The following SDK2 variants were observed in gnomAD, a reference collection of about 807,000 sequenced individuals.
SDK2 encodes sidekick cell adhesion molecule 2, also known as protein sidekick-2.
Under a neutral mutation model 253.9 loss-of-function variants are expected in SDK2, and 105 were observed. That is an observed-to-expected ratio of 0.41 (90% CI 0.35 to 0.49). The LOEUF (loss-of-function observed/expected upper bound fraction) is 0.49, where lower values mean the gene tolerates loss of function less well. Among genes scored for constraint, SDK2 ranks in the 20% least tolerant of loss-of-function variants. The pLI, the probability that SDK2 is intolerant of heterozygous loss-of-function variation, is 0.06. For missense variants in SDK2, 2,608 were observed against 3,003.0 expected (o/e 0.87, Z 3.07); for synonymous variants, 1,249 against 1,234.9 (o/e 1.01, Z -0.24).
rs942659656 is a variant in SDK2 at position 73,534,555 on chromosome 17, G to A, written c.65-26958C>T. Among the ~76,000 whole-genome samples the A allele has an allele frequency of 6.6e-6, 1 of 152,128 alleles. No homozygotes were observed. The highest frequency in any genetic ancestry group is 1.5e-5 in the Non-Finnish European group (1 of 68,030). On this transcript the variant is annotated intron_variant, in intron 1 of 44. Transcript: ENST00000392650. The surrounding 1 kb of genome is among the most constrained non-coding windows in gnomAD (Gnocchi z 4.9). ...AAGTAAAGTCACAAAAGGGAGGGAT[G>A]GGAAGATGCACAGAGGCAGAGCGCG...
At chr17:73,529,179 G>A (rs941501471) in intron 1 of SDK2, among the ~76,000 whole-genome samples, 1 of 152,220 alleles carries the variant, frequency 6.6e-6, no homozygotes, top group African/African-American at 2.4e-5. Context: ...GGTTTCGTCT[G>A]TAATGAGCGA....
chr17:73,611,672 C>T (rs972164501), intron 1 of SDK2, among the ~76,000 whole-genome samples: 1 of 152,252 alleles, frequency 6.6e-6, no homozygotes, highest in Non-Finnish European at 1.5e-5. Context: ...GCCAGTCATG[C>T]TGCTTCCCAG....
At chr17:73,637,631 T>A (rs1386404231) in intron 1 of SDK2, among the ~76,000 whole-genome samples, 1 of 152,204 alleles carries the variant, frequency 6.6e-6, no homozygotes, top group Non-Finnish European at 1.5e-5. Context: ...TGCCTCGGCC[T>A]CCCAAAGTGC....
At chr17:73,604,559 G>A (rs780779342) in intron 1 of SDK2, among the ~76,000 whole-genome samples, 2 of 152,230 alleles carry the variant, frequency 1.3e-5, no homozygotes, top group Non-Finnish European at 2.9e-5. Flanking sequence ...GCCCTGCTGA[G>A]CCCTGGGACT....
At chr17:73,633,469 G>C (rs890186199) in intron 1 of SDK2, among the ~76,000 whole-genome samples, 1 of 151,992 alleles carries the variant, frequency 6.6e-6, no homozygotes, top group African/African-American at 2.4e-5. Context: ...TTCCCAATGA[G>C]GACACTTGTG....
chr17:73,620,829 T>C (rs1599732238), intron 1 of SDK2, among the ~76,000 whole-genome samples: 1 of 152,178 alleles, frequency 6.6e-6, no homozygotes, highest in African/African-American at 2.4e-5. Context: ...CAGATACAGA[T>C]TGTGGCTGAG....
rs1567799066 is a variant in SDK2 at position 73,483,633 on chromosome 17, A to ATATATATGTATATG, written c.225-11416_225-11415insCATATACATATATA. On this transcript the variant is annotated intron_variant, in intron 2 of 44. Transcript: ENST00000392650. ...TATATATGTATATATATGTATATGT[A>ATATATATGTATATG]TATATATATGTGTGTGTGTGTGTGT... is the stretch of plus-strand genomic sequence containing the variant. 5.4e-3 allele frequency among the ~76,000 whole-genome samples: 222 copies of ATATATATGTATATG among 41,118 alleles called. 4 individuals carry two copies. The highest frequency in any genetic ancestry group is 0.014 in the African/African-American group (147 of 10,596). 27.0% of individuals were successfully genotyped at this position (41,118 alleles called of 152,430 possible).
chr17:73,485,262 G>C (rs537228789), intron 2 of SDK2, among the ~76,000 whole-genome samples: 1 of 152,290 alleles, frequency 6.6e-6, no homozygotes, highest in Admixed American at 6.5e-5. Flanking sequence ...GGTAAGTGCA[G>C]GTGCTGATGG....
chr17:73,365,415 GTTT>G lies in SDK2; in HGVS notation c.5168-23_5168-21del. 1.3e-6 allele frequency: 2 copies of G among 1,586,860 alleles called. No homozygotes were observed. Among genetic ancestry groups the G allele is most frequent in the Non-Finnish European group, 1.7e-6 (2 of 1,168,440 alleles). On this transcript the variant is annotated intron_variant, in intron 37 of 44. Coordinates refer to ENST00000392650, the MANE Select transcript of SDK2 (RefSeq NM_001144952.2). ...TGGGGGCTGCGGGAGACAGCAAAGG[GTTT>G]TTGTTTCCTTCTTCTGTGGAAGTTC...
Position 73,511,929 on chromosome 17 carries a change from G to T in SDK2, c.65-4332C>A, listed in dbSNP as rs965477000. ...TGTGTGCAGGTGTGTGTGTGTGCAG[G>T]TGTGTCTGCATGTATGTCCATGTGT... is the stretch of plus-strand genomic sequence containing the variant. On this transcript the variant is annotated intron_variant, in intron 1 of 44. Transcript: ENST00000392650. The surrounding 1 kb of genome is among the most constrained non-coding windows in gnomAD (Gnocchi z 4.9). Among the ~76,000 whole-genome samples the T allele has an allele frequency of 2.0e-5, 3 of 152,120 alleles. No individual in the cohort carries two copies. Among genetic ancestry groups the T allele is most frequent in the Non-Finnish European group, 4.4e-5 (3 of 68,016 alleles).
chr17:73,547,867 A>G (rs961408489), intron 1 of SDK2, among the ~76,000 whole-genome samples: 2 of 152,212 alleles, frequency 1.3e-5, no homozygotes, highest in African/African-American at 4.8e-5. Context: ...AAGAGGTTTA[A>G]TTGACTCACA....
At chr17:73,519,294 G>A (rs1261386166) in intron 1 of SDK2, 2 of 152,360 alleles carry the variant, frequency 1.3e-5, no homozygotes, top group Non-Finnish European at 2.9e-5. Context: ...CATCACCTAA[G>A]AGGAGGGAGA....
intron 25 of SDK2, among the ~76,000 whole-genome samples, chr17:73,394,888 A>G (rs1313810524): frequency 6.6e-6 from 1 of 152,154 alleles, no homozygotes; most frequent in Non-Finnish European, 1.5e-5. Flanking sequence ...GGGCAGTATG[A>G]ATGGTGGAGC....
At chr17:73,430,648 A>T (rs550060753) in intron 11 of SDK2, 35 bp from the exon 12 acceptor site, 10 of 1,419,130 alleles carry the variant, frequency 7.0e-6, no homozygotes, top group South Asian at 1.4e-5. Context: ...TGGTGAGAAG[A>T]GGTGTGGGGG....
intron 1 of SDK2, among the ~76,000 whole-genome samples, chr17:73,598,272 G>A (rs1312716145): frequency 6.6e-6 from 1 of 152,182 alleles, no homozygotes; most frequent in Non-Finnish European, 1.5e-5. Flanking sequence ...GACTCGGTGT[G>A]GGGCGTGAGT....
At chr17:73,589,604 A>G (rs940102048) in intron 1 of SDK2, among the ~76,000 whole-genome samples, 1 of 152,240 alleles carries the variant, frequency 6.6e-6, no homozygotes, top group African/African-American at 2.4e-5. Flanking sequence ...TAGGCAGGAT[A>G]AAAGGGGAAG....
chr17:73,429,517 AT>A (rs1186969290), intron 12 of SDK2, among the ~76,000 whole-genome samples: 1 of 152,154 alleles, frequency 6.6e-6, no homozygotes, highest in Admixed American at 6.5e-5. Context: ...CCGGAGTCTC[AT>A]TTGGGGGTGG....
chr17:73,354,225 T>C (rs2062566217), intron 40 of SDK2, among the ~76,000 whole-genome samples: 1 of 152,166 alleles, frequency 6.6e-6, no homozygotes, highest in Admixed American at 6.5e-5. Context: ...AAATTTGGGT[T>C]TCCTGTCTGT....
Position 73,391,515 on chromosome 17 carries a change from G to C in SDK2, c.3922C>G (p.Leu1308Val), listed in dbSNP as rs1454025745. ...GACGTGGTCCGCACCTCTGGGAACA[G>C]GATGCCCATGGGTGGTCCTGGGACT... is the stretch of plus-strand genomic sequence containing the variant. The part of the protein sequence containing the change: ...DDVPGPPMGI[L>V]FPEVRTTSVR... The change falls in exon 28 of 45, where the codon CTG (leucine) becomes GTG (valine). Residue 1308 changes from leucine to valine, a missense_variant. Physicochemically the swap from Leu to Val is conservative, Grantham distance 32 (BLOSUM62 1). Transcript: ENST00000392650. The C allele has an allele frequency of 7.7e-7, 1 of 1,303,920 alleles. No individual in the cohort carries two copies. Among genetic ancestry groups the C allele is most frequent in the Non-Finnish European group, 9.8e-7 (1 of 1,018,264 alleles). The allele number at this position is 1,303,920 out of a possible 1,614,324, so 80.8% of individuals were successfully genotyped here.
Sources: gnomAD v4.1 joint callset for allele counts (sites outside exome capture counted in the v4.1 genomes callset) on GRCh38, gnomAD v4.1.1 for gene constraint, Gnocchi (gnomAD v3.1) non-coding constraint, MANE v1.5 for transcripts, NCBI Gene and HGNC (gene_info 2026-07-23, HGNC 2026-07-21) for gene names.